Variants in XPR1 observed in about 807,000 individuals in gnomAD.
XPR1 encodes the protein solute carrier family 53 member 1.
XPR1 carries 28 observed loss-of-function variants against 87.5 expected under a neutral mutation model. The ratio of observed to expected loss-of-function variants is 0.32; its 90% CI spans 0.24 to 0.44. The LOEUF (loss-of-function observed/expected upper bound fraction) is 0.44, where lower values mean the gene tolerates loss of function less well. XPR1 is among the 20% of genes least tolerant of loss of function. XPR1 has a pLI of 1.00. For missense variants in XPR1, 559 were observed against 862.3 expected (o/e 0.65, Z 4.41); for synonymous variants, 300 against 306.1 (o/e 0.98, Z 0.21).
At chr1:180,648,997 G>A (rs1306252420) in intron 1 of XPR1, among the ~76,000 whole-genome samples, 2 of 152,094 alleles carry the variant, frequency 1.3e-5, no homozygotes, top group Non-Finnish European at 2.9e-5. Context: ...TATGCACTGG[G>A]TTCCTGAAAA....
chr1:180,866,813 T>TTTA (rs1391926886), intron 12 of XPR1, among the ~76,000 whole-genome samples: 2 of 61,100 alleles, frequency 3.3e-5, no homozygotes, highest in African/African-American at 9.5e-5. Flanking sequence ...TTTTTTTAAT[T>TTTA]TTTTTTTTTT....
intron 1 of XPR1, among the ~76,000 whole-genome samples, chr1:180,644,514 G>C (rs538749418): frequency 6.7e-5 from 10 of 150,196 alleles, no homozygotes; most frequent in African/African-American, 2.5e-4. Context: ...TTAGAGTTTA[G>C]TTGGATTCCA....
intron 2 of XPR1, among the ~76,000 whole-genome samples, chr1:180,746,066 TTTTC>T (rs775563987): frequency 6.6e-6 from 1 of 152,198 alleles, no homozygotes; most frequent in Non-Finnish European, 1.5e-5. Flanking sequence ...TGTTCCTTTT[TTTTC>T]TTTTTCTGCC....
intron 2 of XPR1, among the ~76,000 whole-genome samples, chr1:180,746,325 T>A (rs61809355): frequency 1.3e-5 from 2 of 152,148 alleles, no homozygotes; most frequent in Non-Finnish European, 2.9e-5. Context: ...TGTATGCCTT[T>A]GAGTACCCAT....
intron 2 of XPR1, among the ~76,000 whole-genome samples, chr1:180,695,376 T>C (rs1436107046): frequency 6.6e-6 from 1 of 151,856 alleles, no homozygotes; most frequent in Non-Finnish European, 1.5e-5. Flanking sequence ...TCCTTTGCTG[T>C]GCAGAAGCCT....
chr1:180,856,394 G>A (rs1391038980), intron 11 of XPR1, among the ~76,000 whole-genome samples: 2 of 151,786 alleles, frequency 1.3e-5, no homozygotes, highest in Non-Finnish European at 2.9e-5. Context: ...TCTCATTGTA[G>A]CCTGTCCTTT....
intron 2 of XPR1, among the ~76,000 whole-genome samples, chr1:180,717,337 G>A (rs961689075): frequency 1.3e-5 from 2 of 152,166 alleles, no homozygotes; most frequent in Non-Finnish European, 2.9e-5. Context: ...ATAGGAGAAT[G>A]TCATAGGCAT....
At chr1:180,636,256 C>T (rs12075718) in intron 1 of XPR1, among the ~76,000 whole-genome samples, 4,893 of 152,292 alleles carry the variant, frequency 0.032, 182 homozygotes, top group African/African-American at 0.088. Flanking sequence ...TGAGTTGCTG[C>T]AACTTGTTTG....
intron 1 of XPR1, among the ~76,000 whole-genome samples, chr1:180,647,422 T>G (rs1655153403): frequency 2.0e-5 from 3 of 152,260 alleles, no homozygotes; most frequent in Admixed American, 2.0e-4. Context: ...TATAATCTTA[T>G]GAGACCACTG....
intron 1 of XPR1, among the ~76,000 whole-genome samples, chr1:180,667,116 T>C (rs549438599): frequency 6.6e-6 from 1 of 152,260 alleles, no homozygotes; most frequent in East Asian, 1.9e-4. Context: ...GGTTTCATTA[T>C]GTTGCATGGC....
intron 2 of XPR1, among the ~76,000 whole-genome samples, chr1:180,710,408 C>T (rs552923052): frequency 2.6e-5 from 4 of 151,904 alleles, no homozygotes; most frequent in East Asian, 3.9e-4. Flanking sequence ...TGACTCTTAA[C>T]GAGCATGCTG....
chr1:180,652,838 C>T (rs959895160), intron 1 of XPR1, among the ~76,000 whole-genome samples: 1 of 149,908 alleles, frequency 6.7e-6, no homozygotes, highest in African/African-American at 2.4e-5. Flanking sequence ...TTTATTGTCT[C>T]ACACAGTTTC....
At chr1:180,722,618 T>G (rs1007378527) in intron 2 of XPR1, among the ~76,000 whole-genome samples, 10 of 152,216 alleles carry the variant, frequency 6.6e-5, no homozygotes, top group African/African-American at 2.4e-4. Flanking sequence ...TAAGTTAATT[T>G]ATAGTTATTA....
chr1:180,815,216 CT>C (rs1425146931), intron 7 of XPR1, among the ~76,000 whole-genome samples: 2 of 151,380 alleles, frequency 1.3e-5, no homozygotes, highest in Non-Finnish European at 3.0e-5. Context: ...TTTTTCCATT[CT>C]TTTTATGTGA....
At chr1:180,670,049 T>C (rs538663111) in intron 1 of XPR1, among the ~76,000 whole-genome samples, 1 of 152,294 alleles carries the variant, frequency 6.6e-6, no homozygotes, top group South Asian at 2.1e-4. Flanking sequence ...CTTTTAAGTT[T>C]TTCTTAAAAT....
At chr1:180,876,761 C>T (rs1402152980) in intron 13 of XPR1, among the ~76,000 whole-genome samples, 2 of 151,924 alleles carry the variant, frequency 1.3e-5, no homozygotes, top group Non-Finnish European at 2.9e-5. Flanking sequence ...AAAATGTTTT[C>T]TACAAAAACA....
chr1:180,734,852 G>C (rs1379265092), intron 2 of XPR1, among the ~76,000 whole-genome samples: 2 of 152,168 alleles, frequency 1.3e-5, no homozygotes, highest in African/African-American at 4.8e-5. Flanking sequence ...GTGAAATACA[G>C]TGGAGGAGGT....
intron 2 of XPR1, among the ~76,000 whole-genome samples, chr1:180,760,624 C>A (rs1339999482): frequency 6.6e-6 from 1 of 152,104 alleles, no homozygotes; most frequent in African/African-American, 2.4e-5. Context: ...AGGATACAAG[C>A]AAATGGAAGA....
chr1:180,643,025 A>G (rs1251770196), intron 1 of XPR1, among the ~76,000 whole-genome samples: 1 of 152,144 alleles, frequency 6.6e-6, no homozygotes, highest in Admixed American at 6.6e-5. Context: ...GGTAAAGTGA[A>G]GTTGGGAAGG....
Sources: gnomAD v4.1 joint callset for allele counts (sites outside exome capture counted in the v4.1 genomes callset) on GRCh38, gnomAD v4.1.1 for gene constraint, MANE v1.5 for transcripts, NCBI Gene and HGNC (gene_info 2026-07-23, HGNC 2026-07-21) for gene names.